Variants in HGD observed in about 807,000 individuals in gnomAD.
HGD encodes homogentisate oxidase.
HGD carries 61 observed loss-of-function variants against 60.8 expected under a neutral mutation model. The ratio of observed to expected loss-of-function variants is 1.00; its 90% confidence interval spans 0.82 to 1.24. The LOEUF (loss-of-function observed/expected upper bound fraction) is 1.24. HGD is among the 50% of genes most tolerant of loss of function. The pLI, the probability that HGD is intolerant of heterozygous loss-of-function variation, is 0.00. For synonymous variants in HGD, 212 were observed against 187.7 expected, an observed-to-expected ratio of 1.13 and a Z score of -1.06; for missense variants, 542 against 547.1, an observed-to-expected ratio of 0.99 and a Z score of 0.09.
At chr3:120,660,561 A>G (rs1559795095) in intron 4 of HGD, among the ~76,000 whole-genome samples, 2 of 152,232 alleles carry the variant, frequency 1.3e-5, no homozygotes, top group Non-Finnish European at 2.9e-5. Flanking sequence ...GAGGTGGTTC[A>G]CGCCTGTAAT....
intron 4 of HGD, among the ~76,000 whole-genome samples, chr3:120,656,376 G>C (rs920509874): frequency 2.6e-5 from 4 of 152,080 alleles, no homozygotes; most frequent in Admixed American, 2.0e-4. Context: ...TTGTTAAATA[G>C]CTTCTTCTCT....
chr3:120,664,859 G>C (rs1252694257), intron 4 of HGD, among the ~76,000 whole-genome samples: 3 of 152,210 alleles, frequency 2.0e-5, no homozygotes, highest in Admixed American at 1.3e-4. Context: ...CTCTGTGTTA[G>C]TGGAATTACT....
intron 4 of HGD, among the ~76,000 whole-genome samples, chr3:120,664,087 G>T (rs2107538354): frequency 6.6e-6 from 1 of 152,204 alleles, no homozygotes; most frequent in Non-Finnish European, 1.5e-5. Context: ...TTATGTGTGT[G>T]TTATCCCACA....
At chr3:120,649,689 G>A (rs910507116) in intron 6 of HGD, among the ~76,000 whole-genome samples, 1 of 152,158 alleles carries the variant, frequency 6.6e-6, no homozygotes, top group African/African-American at 2.4e-5. Context: ...GGTGACTAGG[G>A]GCTGAGTTGC....
chr3:120,663,238 G>A (rs1707819748), intron 4 of HGD, among the ~76,000 whole-genome samples: 1 of 151,356 alleles, frequency 6.6e-6, no homozygotes, highest in African/African-American at 2.5e-5. Context: ...GGAAGAGAGA[G>A]AGTAAGTACT....
At chr3:120,630,222 G>A (rs1002500275) in intron 13 of HGD, among the ~76,000 whole-genome samples, 14 of 152,100 alleles carry the variant, frequency 9.2e-5, no homozygotes, top group Non-Finnish European at 1.6e-4. Flanking sequence ...AAGATTCAAC[G>A]CTGTTCATAT....
chr3:120,630,843 T>TACACACACACACACACACACACACACAC (rs111540631), intron 13 of HGD, among the ~76,000 whole-genome samples: 1 of 116,700 alleles, frequency 8.6e-6, no homozygotes, highest in Non-Finnish European at 1.7e-5. Context: ...CACACACACA[T>TACACACACACACACACACACACACACAC]ACACACACAC....
chr3:120,648,790 G>T (rs1941242645), intron 6 of HGD, among the ~76,000 whole-genome samples: 1 of 152,190 alleles, frequency 6.6e-6, no homozygotes, highest in African/African-American at 2.4e-5. Flanking sequence ...TGGGTCATGG[G>T]TCACTGGTCA....
chr3:120,682,075 A>G, intron 1 of HGD, 22 bp downstream of exon 1: 3 of 1,613,292 alleles, frequency 1.9e-6, no homozygotes, highest in Non-Finnish European at 2.5e-6. Flanking sequence ...AGCCATAGCA[A>G]ACTTGTCAGA....
At chr3:120,643,471 T>G (rs138189584) in intron 10 of HGD, among the ~76,000 whole-genome samples, 69 of 152,262 alleles carry the variant, frequency 4.5e-4, no homozygotes, top group South Asian at 2.7e-3. Context: ...CTGATGCAAA[T>G]AGCCCCCGAA....
intron 11 of HGD, among the ~76,000 whole-genome samples, chr3:120,641,268 C>A (rs1410102054): frequency 2.0e-5 from 3 of 152,098 alleles, no homozygotes; most frequent in Admixed American, 2.0e-4. Flanking sequence ...CTACCACCGA[C>A]ATTAACACTT....
intron 11 of HGD, 39 bp from the exon 12 acceptor site, chr3:120,638,620 G>T: frequency 6.2e-7 from 1 of 1,612,352 alleles, no homozygotes; most frequent in South Asian, 1.1e-5. Context: ...CATGATGCAA[G>T]GGAAGTGACT....
chr3:120,642,295 G>A (rs1156271642), intron 10 of HGD, among the ~76,000 whole-genome samples: 1 of 152,178 alleles, frequency 6.6e-6, no homozygotes, highest in Non-Finnish European at 1.5e-5. Flanking sequence ...GGGTCCGAAA[G>A]TGCTAAAGAT....
intron 12 of HGD, among the ~76,000 whole-genome samples, chr3:120,637,166 C>A (rs372019257): frequency 6.6e-6 from 1 of 152,114 alleles, no homozygotes; most frequent in South Asian, 2.1e-4. Flanking sequence ...ATATCAGGCA[C>A]TATGCTAGCC....
intron 12 of HGD, among the ~76,000 whole-genome samples, chr3:120,635,414 T>C (rs1407644471): frequency 6.8e-6 from 1 of 147,266 alleles, no homozygotes; most frequent in Non-Finnish European, 1.5e-5. Context: ...GAGGCAGAGC[T>C]TGCAGTGAGC....
chr3:120,674,716 C>T (rs888082886), intron 3 of HGD, 185 bp downstream of exon 3: 18 of 590,364 alleles, frequency 3.0e-5, no homozygotes, highest in East Asian at 2.2e-4. Context: ...TCACCTTCTT[C>T]CACCAGTCAC....
rs749274871 is a variant in HGD at position 120,633,289 on chromosome 3, T to C, written c.1046A>G (p.His349Arg). The change falls in exon 13 of 14, where the codon CAC becomes CGC. Residue 349 changes from histidine (H) to arginine (R), a missense_variant. Physicochemically the swap from His to Arg is conservative, Grantham distance 29. Transcript: ENST00000283871. Reference protein sequence around the residue: ...MSEFMGLIRGHYEAKQGGFLP... With the variant: ...MSEFMGLIRGRYEAKQGGFLP... ...GAACCCACCTTGCTTTGCCTCATAGTGACCTCGGATGAGTCCCATGAACTC... is the reference window on the plus strand; with the variant it reads ...GAACCCACCTTGCTTTGCCTCATAGCGACCTCGGATGAGTCCCATGAACTC... The C allele has an allele frequency of 1.2e-6, 2 of 1,614,060 alleles. No homozygotes were observed. The highest frequency in any genetic ancestry group is 2.7e-5 in the African/African-American group (2 of 74,920).
In HGD at chr3:120,670,496, C is replaced by T; in HGVS notation, c.213G>A (p.Lys71=). Residue 71 remains lysine, a synonymous_variant, in exon 4 of 14, where the codon AAG becomes AAA. Transcript: ENST00000283871. Reference sequence around the variant, plus strand: ...GGCCTTCGTCAATGGATTCAAAGGGCTTGTGAGAAACTGAAGGTAGAATCC... The same window carrying T: ...GGCCTTCGTCAATGGATTCAAAGGGTTTGTGAGAAACTGAAGGTAGAATCC... The part of the protein sequence containing the change: ...LYRILPSVSH[K]PFESIDEGQV... 1.2e-6 allele frequency: 2 copies of T among 1,609,814 alleles called. No homozygotes were observed. The highest frequency in any genetic ancestry group is 1.1e-5 in the South Asian group (1 of 90,996).
At chr3:120,649,139 C>CTTT (rs10572267) in intron 6 of HGD, among the ~76,000 whole-genome samples, 19 of 94,402 alleles carry the variant, frequency 2.0e-4, no homozygotes, top group African/African-American at 2.6e-4. Flanking sequence ...TCTTCTTTTT[C>CTTT]TTTTTTTTTT....
Sources: gnomAD v4.1 joint callset for allele counts (sites outside exome capture counted in the v4.1 genomes callset) on GRCh38, gnomAD v4.1.1 for gene constraint, MANE v1.5 for transcripts, NCBI Gene and HGNC (gene_info 2026-07-23, HGNC 2026-07-21) for gene names.